Variants in FKBP7 observed in about 807,000 individuals in gnomAD.
FKBP7 encodes the protein peptidyl-prolyl cis-trans isomerase FKBP7.
A neutral mutation model predicts 24.3 loss-of-function variants in FKBP7; 24 were observed. The ratio of observed to expected loss-of-function variants is 0.99; its 90% CI spans 0.72 to 1.39. The LOEUF (loss-of-function observed/expected upper bound fraction) is 1.39. FKBP7 is among the 40% of genes most tolerant of loss of function. The probability of loss-of-function intolerance (pLI) is 0.00; values close to 1 mark genes in which losing one functional copy is unlikely to be tolerated. For synonymous variants in FKBP7, 98 were observed against 92.8 expected, an observed-to-expected ratio of 1.06 and a Z score of -0.32; for missense variants, 257 against 269.5, an observed-to-expected ratio of 0.95 and a Z score of 0.33.
chr2:178,464,123 GT>G lies in FKBP7; in HGVS notation c.*1646del, dbSNP rs1684592871. The G allele has an allele frequency of 2.7e-5, 4 of 149,022 alleles. No homozygotes were observed. The highest frequency in any genetic ancestry group is 1.3e-4 in the Admixed American group (2 of 15,160). 9.2% of individuals were successfully genotyped at this position (149,022 alleles called of 1,614,324 possible). A position where few individuals can be genotyped will look rare whatever the true frequency, so the allele number is the denominator to read the frequency against. ...TTGTGTTACCCCTATGTATACTTTT[GT>G]TTGTTTTTGTATGTACTCATCTGAA... On this transcript the variant is annotated 3_prime_UTR_variant, in exon 4 of 4. Transcript: ENST00000424785.
chr2:178,469,579 A>T, intron 3 of FKBP7, 73 bp downstream of exon 3: 1 of 1,502,162 alleles, frequency 6.7e-7, no homozygotes, highest in Non-Finnish European at 9.2e-7. Context: ...CTAAAAAGTA[A>T]TAGTTGTAAC....
chr2:178,472,078 GTTTT>G (rs1005052995), intron 2 of FKBP7, among the ~76,000 whole-genome samples: 3 of 135,438 alleles, frequency 2.2e-5, no homozygotes, highest in Non-Finnish European at 4.8e-5. Flanking sequence ...TTTTCTTTTC[GTTTT>G]TTTTTTTTTT....
chr2:178,465,676 G>T lies in FKBP7; in HGVS notation c.*94C>A. 8.2e-7 allele frequency: 1 copy of T among 1,216,656 alleles called. No individual in the cohort carries two copies. The highest frequency in any genetic ancestry group is 2.7e-5 in the East Asian group (1 of 36,730). 75.4% of individuals were successfully genotyped at this position (1,216,656 alleles called of 1,614,324 possible). A position where few individuals can be genotyped will look rare whatever the true frequency, so the allele number is the denominator to read the frequency against. ...GAGATCAAAATATCTTCTCATAGGG[G>T]AAAAATAGCAAATACAACTTGGAGA... On this transcript the variant is annotated 3_prime_UTR_variant, in exon 4 of 4. Transcript: ENST00000424785.
At chr2:178,475,436 G>A (rs1295480456) in intron 2 of FKBP7, among the ~76,000 whole-genome samples, 1 of 151,890 alleles carries the variant, frequency 6.6e-6, no homozygotes, top group African/African-American at 2.4e-5. Context: ...CACCATATTG[G>A]CCAGACTGGT....
intron 2 of FKBP7, among the ~76,000 whole-genome samples, chr2:178,471,112 G>T (rs1684838246): frequency 6.6e-6 from 1 of 151,554 alleles, no homozygotes; most frequent in South Asian, 2.1e-4. Context: ...TGATCCGCTT[G>T]CCTTGGCCTC....
chr2:178,477,171 A>G lies in FKBP7; in HGVS notation c.264T>C (p.Gly88=). 6.2e-7 allele frequency: 1 copy of G among 1,613,028 alleles called. No individual in the cohort carries two copies. ...NEGHPKWFVL[G]VGQVIKGLDI... ...CTAGGCCTTTTATGACTTGCCCAAC[A>G]CCAAGAACAAACCATTTGGGGTGGC... Residue 88 remains glycine, a synonymous_variant, in exon 2 of 4, where the codon GGT becomes GGC. Coordinates refer to ENST00000424785, the MANE Select transcript of FKBP7 (RefSeq NM_181342.3).
rs555612765 is a variant in FKBP7, at chr2:178,465,653, G to C, written c.*117C>G. 3.0e-6 allele frequency: 3 copies of C among 983,772 alleles called. No individual in the cohort carries two copies. Among genetic ancestry groups the C allele is most frequent in the Non-Finnish European group, 4.2e-6 (3 of 708,722 alleles). 60.9% of individuals were successfully genotyped at this position (983,772 alleles called of 1,614,324 possible). On this transcript the variant is annotated 3_prime_UTR_variant, in exon 4 of 4. Coordinates refer to ENST00000424785, the MANE Select transcript of FKBP7 (RefSeq NM_181342.3). Reference sequence around the variant, plus strand: ...TATACCAAAATCAATGTATTGGGGAGATCAAAATATCTTCTCATAGGGGAA... The same window carrying C: ...TATACCAAAATCAATGTATTGGGGACATCAAAATATCTTCTCATAGGGGAA...
intron 3 of FKBP7, among the ~76,000 whole-genome samples, chr2:178,466,409 T>C (rs1379569498): frequency 6.6e-6 from 1 of 152,164 alleles, no homozygotes; most frequent in African/African-American, 2.4e-5. Context: ...CCTCCAAGTC[T>C]ACATAACTAT....
At chr2:178,475,301 C>T (rs956814628) in intron 2 of FKBP7, among the ~76,000 whole-genome samples, 1 of 152,094 alleles carries the variant, frequency 6.6e-6, no homozygotes, top group Non-Finnish European at 1.5e-5. Flanking sequence ...GCAATCTTGG[C>T]TCACTGCAAC....
rs760055159 is a variant in FKBP7 at position 178,477,043 on chromosome 2, T to C, written c.373+19A>G. 26 of 1,545,636 alleles carry C rather than the reference T, an allele frequency of 1.7e-5. No individual in the cohort carries two copies. Among genetic ancestry groups the C allele is most frequent in the Non-Finnish European group, 2.3e-5 (26 of 1,143,114 alleles). ...TTTTAAATATAACTAAAACAAGAAA[T>C]TAAAATTAAACATCTTACCATAGCC... is the stretch of plus-strand genomic sequence containing the variant. On this transcript the variant is annotated intron_variant, in intron 2 of 3. Coordinates refer to ENST00000424785, the MANE Select transcript of FKBP7 (RefSeq NM_181342.3).
In FKBP7 at chr2:178,465,741, T is replaced by TAAA. The variant is rs11336824; in HGVS notation, c.*26_*28dup. 2.9e-5 allele frequency: 37 copies of TAAA among 1,255,244 alleles called. No individual in the cohort carries two copies. In the South Asian group the frequency reaches 3.6e-4, roughly 12 times the overall value. 77.8% of individuals were successfully genotyped at this position (1,255,244 alleles called of 1,614,324 possible). A position where few individuals can be genotyped will look rare whatever the true frequency, so the allele number is the denominator to read the frequency against. ...TTATACATAAAGTACAGTAAATAGCTAAAAAAAAAAAGTAGAAATACAAAT... is the reference window on the plus strand; with the variant it reads ...TTATACATAAAGTACAGTAAATAGCTAAAAAAAAAAAAAAGTAGAAATACAAAT... On this transcript the variant is annotated 3_prime_UTR_variant, in exon 4 of 4. Coordinates refer to ENST00000424785, the MANE Select transcript of FKBP7 (RefSeq NM_181342.3).
intron 2 of FKBP7, among the ~76,000 whole-genome samples, chr2:178,471,020 G>C (rs1182001022): frequency 6.6e-6 from 1 of 151,982 alleles, no homozygotes; most frequent in Non-Finnish European, 1.5e-5. Context: ...TGGGATTACA[G>C]GTGCACACCA....
Position 178,478,541 on chromosome 2 carries a change from G to A in FKBP7, c.-42C>T. ...CTGCTCTCCCTCCCGCGTGTCACTC[G>A]CGCCCCGTGGATGTCCCGCGGCCGA... On this transcript the variant is annotated 5_prime_UTR_variant, in exon 1 of 4. Coordinates refer to ENST00000424785, the MANE Select transcript of FKBP7 (RefSeq NM_181342.3). 6.2e-7 allele frequency: 1 copy of A among 1,607,830 alleles called. No homozygotes were observed. Among genetic ancestry groups the A allele is most frequent in the Non-Finnish European group, 8.5e-7 (1 of 1,177,462 alleles).
In FKBP7 at chr2:178,466,048, A is replaced by G; in HGVS notation, c.508-117T>C. On this transcript the variant is annotated intron_variant, in intron 3 of 3. Coordinates refer to ENST00000424785, the MANE Select transcript of FKBP7 (RefSeq NM_181342.3). ...TGCAAGATTACTTACAGTAAATGAT[A>G]CAACAGTATGAAAAGCTATTTGAGG... The G allele has an allele frequency of 3.6e-6, 3 of 823,458 alleles. No homozygotes were observed. The South Asian group carries it at 7.3e-5, about 20-fold the overall frequency. The allele number at this position is 823,458 out of a possible 1,614,324, so 51.0% of individuals were successfully genotyped here. A position where few individuals can be genotyped will look rare whatever the true frequency, so the allele number is the denominator to read the frequency against.
chr2:178,465,876 G>A lies in FKBP7; in HGVS notation c.563C>T (p.Ser188Leu). The change falls in exon 4 of 4, where the codon TCA (serine) becomes TTA (leucine). Residue 188 changes from serine to leucine, a missense_variant. Physicochemically the swap from Ser to Leu is moderately radical, Grantham distance 145. Transcript: ENST00000424785. Reference sequence around the variant, plus strand: ...ATCTTCTAAAACTGCATCCTGATATGACTTGTCACGTGGCTTCTCATCTTT... The same window carrying A: ...ATCTTCTAAAACTGCATCCTGATATAACTTGTCACGTGGCTTCTCATCTTT... ...FEKDEKPRDK[S>L]YQDAVLEDIF... 3 of 1,609,982 alleles carry A rather than the reference G, an allele frequency of 1.9e-6. No homozygotes were observed. The highest frequency in any genetic ancestry group is 8.5e-7 in the Non-Finnish European group (1 of 1,178,586).
chr2:178,466,092 T>C (rs538188970), intron 3 of FKBP7, among the ~76,000 whole-genome samples, 161 bp from the exon 4 acceptor site: 1 of 152,230 alleles, frequency 6.6e-6, no homozygotes, highest in Non-Finnish European at 1.5e-5. Flanking sequence ...TTCTTATTCT[T>C]TGAAGCAATG....
chr2:178,467,986 C>T (rs1004288962), intron 3 of FKBP7: 3 of 152,204 alleles, frequency 2.0e-5, no homozygotes, highest in Non-Finnish European at 4.4e-5. Context: ...AAGAACAGGA[C>T]ATGTTCCCTT....
chr2:178,472,925 A>AC lies in FKBP7; in HGVS notation c.374-3141dup, dbSNP rs1684894433. The stretch of plus-strand genomic sequence containing the variant: ...TGTTTTTTTTTTTTTTTTAAAAAAA[A>AC]CTAAAGTATAAAAATGAGGAAAATA... On this transcript the variant is annotated intron_variant, in intron 2 of 3. Coordinates refer to ENST00000424785, the MANE Select transcript of FKBP7 (RefSeq NM_181342.3). The AC allele has an allele frequency of 1.4e-4, 46 of 335,464 alleles. No individual in the cohort carries two copies. The East Asian group carries it at 2.4e-3, about 18-fold the overall frequency. The allele number at this position is 335,464 out of a possible 1,614,324, so 20.8% of individuals were successfully genotyped here.
chr2:178,466,831 A>G (rs1258573679), intron 3 of FKBP7, among the ~76,000 whole-genome samples: 3 of 152,216 alleles, frequency 2.0e-5, no homozygotes, highest in Admixed American at 6.5e-5. Context: ...AAAGAAAGCA[A>G]TGCACAATCA....
Sources: gnomAD v4.1 joint callset for allele counts (sites outside exome capture counted in the v4.1 genomes callset) on GRCh38, gnomAD v4.1.1 for gene constraint, MANE v1.5 for transcripts, NCBI Gene and HGNC (gene_info 2026-07-23, HGNC 2026-07-21) for gene names.